TAFA1: variants seen among roughly 807,000 people sequenced by gnomAD.
The protein encoded by TAFA1 is TAFA chemokine like family member 1.
In TAFA1, 4 loss-of-function variants were observed where a neutral mutation model predicts 18.5. The ratio of observed to expected loss-of-function variants is 0.22; its 90% CI spans 0.11 to 0.49. The LOEUF is 0.49. TAFA1 is among the 20% of genes least tolerant of loss of function. The pLI is 0.98. For missense variants in TAFA1, 147 were observed against 169.0 expected (o/e 0.87, Z 0.72); for synonymous variants, 56 against 55.2 (o/e 1.01, Z -0.06).
chr3:68,433,849 G>A (rs2071224392), intron 3 of TAFA1, among the ~76,000 whole-genome samples: 1 of 152,090 alleles, frequency 6.6e-6, no homozygotes, highest in Non-Finnish European at 1.5e-5. Context: ...TGAAAGGATT[G>A]ATGTGAGATA....
intron 3 of TAFA1, among the ~76,000 whole-genome samples, chr3:68,475,091 C>T (rs116403574): frequency 0.013 from 1,911 of 151,990 alleles, 39 homozygotes; most frequent in African/African-American, 0.044. Context: ...AGATGTGAAA[C>T]GATTCCTGGT....
chr3:68,072,151 G>T (rs1194332293), intron 2 of TAFA1, among the ~76,000 whole-genome samples: 1 of 152,156 alleles, frequency 6.6e-6, no homozygotes, highest in African/African-American at 2.4e-5. Context: ...TTATATTTTT[G>T]TGGTTGGAGG....
At chr3:68,254,423 A>C (rs2067258900) in intron 2 of TAFA1, among the ~76,000 whole-genome samples, 1 of 152,238 alleles carries the variant, frequency 6.6e-6, no homozygotes, top group Admixed American at 6.5e-5. Flanking sequence ...CCTACCTAAA[A>C]TTTAGTGTAA....
intron 2 of TAFA1, among the ~76,000 whole-genome samples, chr3:68,183,564 CTTA>C (rs2106992439): frequency 6.6e-6 from 1 of 152,184 alleles, no homozygotes; most frequent in Admixed American, 6.6e-5. Flanking sequence ...TATATCTTTT[CTTA>C]TTATTTATTA....
intron 2 of TAFA1, among the ~76,000 whole-genome samples, chr3:68,061,457 T>C (rs74524700): frequency 0.019 from 2,947 of 152,180 alleles, 94 homozygotes; most frequent in African/African-American, 0.068. Context: ...TGAGAACAGG[T>C]TAAAAGGCAT....
intron 2 of TAFA1, among the ~76,000 whole-genome samples, chr3:68,158,211 G>A (rs572687660): frequency 6.6e-6 from 1 of 152,142 alleles, no homozygotes; most frequent in Non-Finnish European, 1.5e-5. Flanking sequence ...CATTCATATT[G>A]CTGAAATTTC....
intron 2 of TAFA1, among the ~76,000 whole-genome samples, chr3:68,169,743 T>A (rs2066028920): frequency 6.6e-6 from 1 of 152,226 alleles, no homozygotes; most frequent in Admixed American, 6.5e-5. Flanking sequence ...GAAAAGTTAC[T>A]TTTTAACTAG....
At chr3:68,449,978 G>T (rs1310016538) in intron 3 of TAFA1, among the ~76,000 whole-genome samples, 1 of 152,158 alleles carries the variant, frequency 6.6e-6, no homozygotes, top group Non-Finnish European at 1.5e-5. Context: ...AGCCCCTTTT[G>T]CCAGGCACAG....
intron 2 of TAFA1, among the ~76,000 whole-genome samples, chr3:68,274,161 T>C (rs767915453): frequency 2.0e-5 from 3 of 152,196 alleles, no homozygotes; most frequent in Non-Finnish European, 4.4e-5. Context: ...GTCTATTCAG[T>C]TGTGTGCATG....
intron 2 of TAFA1, among the ~76,000 whole-genome samples, chr3:68,412,029 C>T (rs1454647336): frequency 6.6e-6 from 1 of 152,052 alleles, no homozygotes; most frequent in Admixed American, 6.6e-5. Flanking sequence ...GTGATTGAGG[C>T]CATAGTTCAA....
At chr3:68,061,003 G>A (rs1575596299) in intron 2 of TAFA1, among the ~76,000 whole-genome samples, 1 of 152,186 alleles carries the variant, frequency 6.6e-6, no homozygotes, top group Admixed American at 6.5e-5. Flanking sequence ...TCTTTAGCGT[G>A]TGTGTACTCT....
At chr3:68,152,718 T>C (rs886511904) in intron 2 of TAFA1, among the ~76,000 whole-genome samples, 34 of 152,268 alleles carry the variant, frequency 2.2e-4, no homozygotes, top group Admixed American at 1.2e-3. Context: ...TATTCTTAAG[T>C]AGCACTTCCA....
intron 2 of TAFA1, among the ~76,000 whole-genome samples, chr3:68,084,428 G>C (rs891354292): frequency 6.6e-6 from 1 of 152,120 alleles, no homozygotes; most frequent in Admixed American, 6.5e-5. Flanking sequence ...TGGAAGATCA[G>C]TCCAAAAAAT....
At chr3:68,006,799 T>C (rs1704367322) in intron 2 of TAFA1, 55 bp downstream of exon 2, 3 of 1,236,358 alleles carry the variant, frequency 2.4e-6, no homozygotes, top group South Asian at 1.2e-5. Flanking sequence ...ACTATTTCCT[T>C]AACAGATGGT....
At chr3:68,414,358 G>A (rs1440990474) in intron 2 of TAFA1, among the ~76,000 whole-genome samples, 4 of 152,076 alleles carry the variant, frequency 2.6e-5, no homozygotes. Context: ...AACTAGGGGA[G>A]GAGGGGCGGC....
chr3:68,031,687 C>A (rs1286762105), intron 2 of TAFA1, among the ~76,000 whole-genome samples: 1 of 152,118 alleles, frequency 6.6e-6, no homozygotes, highest in Non-Finnish European at 1.5e-5. Flanking sequence ...ATGATTAATA[C>A]ATGAAACAAG....
chr3:68,038,791 T>G lies in TAFA1; in HGVS notation c.118+32047T>G, dbSNP rs185136613. Among the ~76,000 whole-genome samples, 11 of 152,340 alleles carry G rather than the reference T, an allele frequency of 7.2e-5. 1 individual carries two copies. The highest frequency in any genetic ancestry group is 7.2e-4 in the Admixed American group (11 of 15,306). On this transcript the variant is annotated intron_variant, in intron 2 of 4. Transcript: ENST00000478136. ...TAGAGATGTTTAGCCAAGATGTTTT[T>G]GAATTCATTTCACTACAAAGAGATC...
At chr3:68,355,535 T>G (rs80319537) in intron 2 of TAFA1, among the ~76,000 whole-genome samples, 4,688 of 152,066 alleles carry the variant, frequency 0.031, 84 homozygotes, top group Middle Eastern at 0.068. Flanking sequence ...TAGTGCATAC[T>G]AATGATTATT....
At chr3:68,483,611 A>G (rs547199500) in intron 3 of TAFA1, among the ~76,000 whole-genome samples, 2 of 152,228 alleles carry the variant, frequency 1.3e-5, no homozygotes, top group African/African-American at 2.4e-5. Flanking sequence ...GCTAGTTGCA[A>G]TAAAGAAGGG....
Sources: gnomAD v4.1 joint callset for allele counts (sites outside exome capture counted in the v4.1 genomes callset) on GRCh38, gnomAD v4.1.1 for gene constraint, MANE v1.5 for transcripts, NCBI Gene and HGNC (gene_info 2026-07-23, HGNC 2026-07-21) for gene names.